The following VRK2 variants were observed in gnomAD, a reference collection of about 807,000 sequenced individuals.
VRK2 encodes VRK serine/threonine kinase 2.
A neutral mutation model predicts 57.6 loss-of-function variants in VRK2; 60 were observed. The ratio of observed to expected loss-of-function variants is 1.04; its 90% confidence interval spans 0.85 to 1.29. The LOEUF (loss-of-function observed/expected upper bound fraction) is 1.29, where lower values mean the gene tolerates loss of function less well. VRK2 is among the 50% of genes most tolerant of loss of function. The probability of loss-of-function intolerance (pLI) is 0.00; values close to 1 mark genes in which losing one functional copy is unlikely to be tolerated. For missense variants in VRK2, 705 were observed against 588.1 expected (o/e 1.20, Z -2.06); for synonymous variants, 231 against 199.2 (o/e 1.16, Z -1.35).
intron 1 of VRK2, among the ~76,000 whole-genome samples, chr2:57,960,060 C>T (rs72947178): frequency 0.052 from 250 of 4,790 alleles, 3 homozygotes; most frequent in African/African-American, 0.18. Flanking sequence ...TGTTGTGGGG[C>T]GGGGGGAGGT....
chr2:58,117,097 G>A (rs1676636086), intron 7 of VRK2, among the ~76,000 whole-genome samples: 1 of 152,140 alleles, frequency 6.6e-6, no homozygotes, highest in African/African-American at 2.4e-5. Context: ...AATGTCGGGA[G>A]CAGATTGGGT....
intron 1 of VRK2, chr2:58,048,484 TTTTC>T (rs1675208320): frequency 9.0e-7 from 1 of 1,113,242 alleles, no homozygotes; most frequent in Admixed American, 3.1e-5. Context: ...ATGAAATTTA[TTTTC>T]TTTCTTCATT....
At chr2:57,958,463 GTA>G (rs1671655610) in intron 1 of VRK2, among the ~76,000 whole-genome samples, 1 of 146,094 alleles carries the variant, frequency 6.8e-6, no homozygotes, top group Non-Finnish European at 1.5e-5. Context: ...ATATATACAT[GTA>G]TATATACACA....
At chr2:58,129,445 A>G (rs1268906481) in intron 8 of VRK2, among the ~76,000 whole-genome samples, 1 of 152,126 alleles carries the variant, frequency 6.6e-6, no homozygotes, top group Non-Finnish European at 1.5e-5. Flanking sequence ...CCAGAGCTCT[A>G]TTTACTGCTT....
chr2:57,935,210 T>C (rs1273996424), intron 1 of VRK2, among the ~76,000 whole-genome samples: 1 of 152,216 alleles, frequency 6.6e-6, no homozygotes, highest in Non-Finnish European at 1.5e-5. Context: ...CAGTCTTTTC[T>C]GACTAATTTT....
chr2:58,030,902 G>A (rs544198006), intron 2 of VRK2, among the ~76,000 whole-genome samples: 1 of 152,090 alleles, frequency 6.6e-6, no homozygotes, highest in South Asian at 2.1e-4. Flanking sequence ...TGTAAGAAGT[G>A]CCAGCACTCT....
chr2:57,929,691 C>G (rs1317968744), intron 1 of VRK2, among the ~76,000 whole-genome samples: 1 of 152,150 alleles, frequency 6.6e-6, no homozygotes, highest in Non-Finnish European at 1.5e-5. Flanking sequence ...TAGTACATCT[C>G]TGAGTCCTAC....
At chr2:58,013,853 C>G (rs928996625) in intron 1 of VRK2, among the ~76,000 whole-genome samples, 2 of 106,474 alleles carry the variant, frequency 1.9e-5, no homozygotes, top group African/African-American at 1.0e-4. Context: ...AACGAGACTC[C>G]GTCTCAAAAA....
intron 1 of VRK2, among the ~76,000 whole-genome samples, chr2:57,914,666 C>T (rs1670091127): frequency 1.3e-5 from 2 of 152,066 alleles, no homozygotes; most frequent in Non-Finnish European, 2.9e-5. Context: ...ATTACAGCAG[C>T]AACAACAGAT....
chr2:58,062,955 G>C (rs975166967), intron 2 of VRK2, among the ~76,000 whole-genome samples: 2 of 152,070 alleles, frequency 1.3e-5, no homozygotes, highest in African/African-American at 4.8e-5. Context: ...TTCATTGCTA[G>C]AGAGAAGTCA....
Position 57,998,434 on chromosome 2 carries a change from G to A in VRK2, c.-438-27231G>A, listed in dbSNP as rs568821200. Among the ~76,000 whole-genome samples, 4 of 152,172 alleles carry A rather than the reference G, an allele frequency of 2.6e-5. No homozygotes were observed. In the South Asian group the frequency reaches 8.3e-4, roughly 32 times the overall value. Reference sequence around the variant, plus strand: ...ACATATATTCTCAAAAATATATGAAGGAATTACTTCGAGTGTTAATCTGGG... The same window carrying A: ...ACATATATTCTCAAAAATATATGAAAGAATTACTTCGAGTGTTAATCTGGG... On this transcript the variant is annotated intron_variant, in intron 1 of 15. Coordinates refer to the VRK2 transcript ENST00000417641.
At chr2:58,038,630 C>T (rs1470693148) in intron 3 of VRK2, among the ~76,000 whole-genome samples, 1 of 152,138 alleles carries the variant, frequency 6.6e-6, no homozygotes, top group Non-Finnish European at 1.5e-5. Context: ...CCATAGTTTA[C>T]TGCCCCTAGG....
At chr2:58,017,909 A>G (rs1437948103) in intron 1 of VRK2, 2 of 152,260 alleles carry the variant, frequency 1.3e-5, no homozygotes, top group African/African-American at 4.8e-5. Flanking sequence ...ACGTGAAAAT[A>G]TTCGTAGTAC....
Position 58,089,730 on chromosome 2 carries a change from A to G in VRK2, c.543+7A>G. The G allele has an allele frequency of 6.3e-7, 1 of 1,591,106 alleles. No individual in the cohort carries two copies. The highest frequency in any genetic ancestry group is 1.1e-5 in the South Asian group (1 of 89,136). On this transcript the variant is annotated splice_region_variant and intron_variant, in intron 7 of 12. Coordinates refer to ENST00000340157, the MANE Select transcript of VRK2 (RefSeq NM_006296.7). ...TTACAAAAATCCAGACCAGGTAAAT[A>G]CATACTTTTGCTTTTAATAAAGGTC...
chr2:58,098,884 ATAT>A (rs1001127511), intron 7 of VRK2, among the ~76,000 whole-genome samples: 6 of 152,098 alleles, frequency 3.9e-5, no homozygotes, highest in Non-Finnish European at 8.8e-5. Flanking sequence ...TGCTTTAATA[ATAT>A]TATGTTTATA....
intron 1 of VRK2, among the ~76,000 whole-genome samples, chr2:58,005,522 T>C (rs1673215726): frequency 1.3e-5 from 2 of 151,890 alleles, no homozygotes; most frequent in Non-Finnish European, 1.5e-5. Context: ...TAAAAGACAA[T>C]GGGTAAAGTA....
chr2:58,137,782 A>T (rs1680754653), intron 10 of VRK2, among the ~76,000 whole-genome samples: 1 of 152,148 alleles, frequency 6.6e-6, no homozygotes, highest in African/African-American at 2.4e-5. Flanking sequence ...GCAGATGATT[A>T]AAAAAATCAT....
At chr2:57,945,385 T>TC (rs1671230306) in intron 1 of VRK2, among the ~76,000 whole-genome samples, 1 of 152,162 alleles carries the variant, frequency 6.6e-6, no homozygotes. Flanking sequence ...ATCGAGTCTA[T>TC]CAACTGTCAC....
chr2:58,143,891 G>C (rs1681708395), intron 11 of VRK2, among the ~76,000 whole-genome samples: 1 of 151,674 alleles, frequency 6.6e-6, no homozygotes, highest in South Asian at 2.1e-4. Flanking sequence ...TGTGGTTATA[G>C]AACACATTTT....
Sources: allele counts gnomAD v4.1 joint callset (sites outside exome capture counted in the v4.1 genomes callset), GRCh38; gene constraint gnomAD v4.1.1; transcripts MANE v1.5; gene names NCBI Gene and HGNC (gene_info 2026-07-23, HGNC 2026-07-21).